The following EYS variants were observed in gnomAD, a reference collection of about 807,000 sequenced individuals.
EYS encodes the protein protein eyes shut homolog.
Under a neutral mutation model 282.1 loss-of-function variants are expected in EYS, and 250 were observed. The observed-to-expected ratio is 0.89, with a 90% confidence interval of 0.80 to 0.98. The LOEUF (loss-of-function observed/expected upper bound fraction) is 0.98, where lower values mean the gene tolerates loss of function less well. EYS is among the 50% of genes least tolerant of loss of function. The probability of loss-of-function intolerance (pLI) is 0.00; values close to 1 mark genes in which losing one functional copy is unlikely to be tolerated. For missense variants in EYS, 4,016 were observed against 3,709.0 expected (o/e 1.08, Z -2.15); for synonymous variants, 1,355 against 1,282.9 (o/e 1.06, Z -1.20).
intron 12 of EYS, among the ~76,000 whole-genome samples, chr6:65,145,309 G>A (rs1764449657): frequency 6.6e-6 from 1 of 151,822 alleles, no homozygotes; most frequent in Non-Finnish European, 1.5e-5. Flanking sequence ...TTATGCCACT[G>A]TTTTATGATA....
intron 28 of EYS, among the ~76,000 whole-genome samples, chr6:64,422,804 T>C (rs1470508625): frequency 2.0e-5 from 3 of 152,190 alleles, no homozygotes; most frequent in Non-Finnish European, 4.4e-5. Context: ...CCTGTCACCT[T>C]ACAAGTGTAT....
At chr6:65,620,878 A>G (rs1234308445) in intron 2 of EYS, among the ~76,000 whole-genome samples, 1 of 152,140 alleles carries the variant, frequency 6.6e-6, no homozygotes, top group Non-Finnish European at 1.5e-5. Context: ...TGAGTTTCTT[A>G]ATCCGGAGTT....
chr6:65,570,867 T>C lies in EYS; in HGVS notation c.-333+68911A>G, dbSNP rs188288847. On this transcript the variant is annotated intron_variant, in intron 2 of 42. Transcript: ENST00000503581. ...ATGAATGTCTTCAGTAGATTAAAAG[T>C]AACTGAAGATTTTTTTCAATGTATT... Among the ~76,000 whole-genome samples, 3 of 152,274 alleles carry C rather than the reference T, an allele frequency of 2.0e-5. No individual in the cohort carries two copies. The East Asian group carries it at 5.8e-4, about 29-fold the overall frequency.
At chr6:63,929,496 C>T (rs1449147544) in intron 35 of EYS, among the ~76,000 whole-genome samples, 1 of 152,172 alleles carries the variant, frequency 6.6e-6, no homozygotes, top group Non-Finnish European at 1.5e-5. Flanking sequence ...GAATCATTTT[C>T]TTCTCCACAT....
intron 22 of EYS, among the ~76,000 whole-genome samples, chr6:64,778,564 T>C (rs890229181): frequency 6.6e-6 from 1 of 151,770 alleles, no homozygotes; most frequent in African/African-American, 2.4e-5. Flanking sequence ...TAAACATGAA[T>C]CTCTCACTAA....
In EYS at chr6:65,392,139, T is replaced by A. The variant is rs527342433; in HGVS notation, c.1185-7639A>T. ...CCATATGGAGAAAGCTGAAACTGGA[T>A]CCCTTCCTTACACCTTATACAAAAA... is the stretch of plus-strand genomic sequence containing the variant. On this transcript the variant is annotated intron_variant, in intron 7 of 42. Transcript: ENST00000503581. 5.3e-5 allele frequency among the ~76,000 whole-genome samples: 8 copies of A among 152,134 alleles called. No individual in the cohort carries two copies. The East Asian group carries it at 1.5e-3, about 29-fold the overall frequency.
At chr6:65,443,213 A>G (rs1230876973) in intron 5 of EYS, among the ~76,000 whole-genome samples, 1 of 151,822 alleles carries the variant, frequency 6.6e-6, no homozygotes, top group African/African-American at 2.4e-5. Flanking sequence ...ATATGTATGC[A>G]TCATATACAC....
At chr6:64,292,626 T>A (rs1014222488) in intron 30 of EYS, among the ~76,000 whole-genome samples, 1 of 151,984 alleles carries the variant, frequency 6.6e-6, no homozygotes, top group Non-Finnish European at 1.5e-5. Context: ...TACATCTTTG[T>A]TTTTTTGTGC....
intron 12 of EYS, among the ~76,000 whole-genome samples, chr6:65,062,016 C>T (rs1189782546): frequency 6.6e-6 from 1 of 151,662 alleles, no homozygotes; most frequent in Non-Finnish European, 1.5e-5. Context: ...TTTGTTTATT[C>T]ATTCTTTCAT....
chr6:64,588,453 A>T (rs1331432315), intron 26 of EYS, among the ~76,000 whole-genome samples: 1 of 152,058 alleles, frequency 6.6e-6, no homozygotes, highest in Non-Finnish European at 1.5e-5. Context: ...CCTGCAGAAG[A>T]CTAGAAGACA....
rs370940875 is a variant in EYS, at chr6:64,675,147, A to AT, written c.3444-48903dup. On this transcript the variant is annotated intron_variant, in intron 22 of 42. Coordinates refer to ENST00000503581, the MANE Select transcript of EYS (RefSeq NM_001142800.2). The stretch of plus-strand genomic sequence containing the variant: ...GCTAAGCTTTAAGCATTTTTGGCTC[A>AT]TTTTTTCTATCTTAAATTTTAGTCA... Among the ~76,000 whole-genome samples the AT allele has an allele frequency of 7.6e-3, 1,150 of 152,092 alleles. 20 individuals carry two copies. Among genetic ancestry groups the AT allele is most frequent in the African/African-American group, 0.026 (1,092 of 41,494 alleles).
intron 28 of EYS, among the ~76,000 whole-genome samples, chr6:64,394,940 A>C (rs1424409126): frequency 1.3e-5 from 2 of 152,160 alleles, no homozygotes; most frequent in Non-Finnish European, 2.9e-5. Flanking sequence ...TACAAGAAAA[A>C]AACAAACAAC....
At chr6:64,673,712 C>G (rs138774725) in intron 22 of EYS, among the ~76,000 whole-genome samples, 225 of 152,110 alleles carry the variant, frequency 1.5e-3, no homozygotes, top group African/African-American at 5.1e-3. Flanking sequence ...AAGAGACAAT[C>G]TTTATCTCAT....
chr6:64,651,385 GTA>G (rs1209804490), intron 22 of EYS, among the ~76,000 whole-genome samples: 1 of 152,046 alleles, frequency 6.6e-6, no homozygotes, highest in East Asian at 1.9e-4. Context: ...TTTTTCCAAA[GTA>G]CCTAAAAATA....
At chr6:63,904,383 G>A (rs1773726777) in intron 35 of EYS, among the ~76,000 whole-genome samples, 1 of 151,914 alleles carries the variant, frequency 6.6e-6, no homozygotes, top group Admixed American at 6.6e-5. Flanking sequence ...CTTAGCAACT[G>A]ATGATATAGC....
At chr6:64,198,925 T>C (rs1156874940) in intron 31 of EYS, among the ~76,000 whole-genome samples, 1 of 152,212 alleles carries the variant, frequency 6.6e-6, no homozygotes, top group Non-Finnish European at 1.5e-5. Flanking sequence ...ATGGTTGAAC[T>C]AATTTACACT....
chr6:63,897,986 G>A (rs1773573858), intron 35 of EYS, among the ~76,000 whole-genome samples: 1 of 152,168 alleles, frequency 6.6e-6, no homozygotes, highest in African/African-American at 2.4e-5. Context: ...TGAAACCTGA[G>A]GAGAGTTTAC....
At chr6:65,079,665 G>T (rs547044899) in intron 12 of EYS, among the ~76,000 whole-genome samples, 4 of 151,864 alleles carry the variant, frequency 2.6e-5, no homozygotes, top group Non-Finnish European at 4.4e-5. Flanking sequence ...TGTGGCTCGC[G>T]TAATGTTTTT....
At chr6:64,295,742 A>AT (rs929842395) in intron 30 of EYS, among the ~76,000 whole-genome samples, 3 of 143,006 alleles carry the variant, frequency 2.1e-5, no homozygotes, top group African/African-American at 7.8e-5. Flanking sequence ...AAAAAAAAAA[A>AT]GAAAATGGGT....
Sources: gnomAD v4.1 joint callset for allele counts (sites outside exome capture counted in the v4.1 genomes callset) on GRCh38, gnomAD v4.1.1 for gene constraint, MANE v1.5 for transcripts, NCBI Gene and HGNC (gene_info 2026-07-23, HGNC 2026-07-21) for gene names.